SLC35B2: variants seen among roughly 807,000 people sequenced by gnomAD.
SLC35B2 encodes the protein solute carrier family 35 member B2.
SLC35B2 carries 19 observed loss-of-function variants against 37.9 expected under a neutral mutation model. That is an observed-to-expected ratio of 0.50 (90% CI 0.35 to 0.74). The LOEUF (loss-of-function observed/expected upper bound fraction) is 0.74, where lower values mean the gene tolerates loss of function less well. Ranked by LOEUF, SLC35B2 falls within the 30% of genes least tolerant of loss-of-function variation. SLC35B2 has a pLI of 0.01. For missense variants in SLC35B2, 633 were observed against 547.6 expected (o/e 1.16, Z -1.56); for synonymous variants, 277 against 225.2 (o/e 1.23, Z -2.06).
In SLC35B2 at chr6:44,255,219, G is replaced by C; in HGVS notation, c.786C>G (p.Arg262=). 1 of 1,614,246 alleles carries C rather than the reference G, an allele frequency of 6.2e-7. No individual in the cohort carries two copies. The highest frequency in any genetic ancestry group is 8.5e-7 in the Non-Finnish European group (1 of 1,180,044). The change falls in exon 4 of 4, where the codon CGC becomes CGG. Residue 262 remains arginine (R), a synonymous_variant. Transcript: ENST00000393812. ...MFLLSSGPEP[R]SSPATTLSGL... is the part of the protein sequence containing the mutation. ...CTGAGAGTGTGGTGGCTGGGGAGCT[G>C]CGGGGCTCTGGTCCGCTGGATAGCA...
chr6:44,255,569 C>T lies in SLC35B2; in HGVS notation c.436G>A (p.Gly146Ser). The T allele has an allele frequency of 6.2e-7, 1 of 1,614,156 alleles. No individual in the cohort carries two copies. The highest frequency in any genetic ancestry group is 8.5e-7 in the Non-Finnish European group (1 of 1,180,034). Residue 146 changes from glycine (G) to serine (S), a missense_variant, in exon 4 of 4, where the codon GGT becomes AGT. Gly to Ser is a moderately conservative substitution (Grantham distance 56). Transcript: ENST00000393812. ...RSYGATATSP[G>S]ERFTDSQFLV... ...AACTGCGAGTCCGTAAAGCGCTCAC[C>T]CGGTGATGTGGCTGTGGCCCCATAG...
At position 44,254,628 on chromosome 6, in the gene SLC35B2, C is replaced by A; in HGVS notation, c.*78G>T. 6.8e-7 allele frequency: 1 copy of A among 1,481,248 alleles called. No individual in the cohort carries two copies. The highest frequency in any genetic ancestry group is 9.1e-7 in the Non-Finnish European group (1 of 1,101,694). 91.8% of individuals were successfully genotyped at this position (1,481,248 alleles called of 1,614,324 possible). On this transcript the variant is annotated 3_prime_UTR_variant, in exon 4 of 4. Transcript: ENST00000393812. ...AACACCTGCATTTTGCCCTTTCAGC[C>A]AGCTCCCTCAGAGGTTACAGCAGAA...
rs1009922118 is a variant in SLC35B2, at chr6:44,254,948, G to A, written c.1057C>T (p.Leu353Phe). The A allele has an allele frequency of 1.2e-6, 2 of 1,614,208 alleles. No individual in the cohort carries two copies. The highest frequency in any genetic ancestry group is 1.1e-5 in the South Asian group (1 of 91,078). The change falls in exon 4 of 4, where the codon CTC becomes TTC. Residue 353 changes from leucine (L) to phenylalanine (F), a missense_variant. Leu to Phe is a conservative substitution (Grantham distance 22, BLOSUM62 0). Transcript: ENST00000393812. ...TGCCCAATGGTGTAAAAGATGAAGA[G>A]CTGGCCACATGCGGAGCAGATGGAG... Reference protein sequence around the residue: ...LLSICSACGQLFIFYTIGQFG... With the variant: ...LLSICSACGQFFIFYTIGQFG...
At position 44,254,297 on chromosome 6, in the gene SLC35B2, T is replaced by C. The variant is rs1347552912; in HGVS notation, c.*409A>G. On this transcript the variant is annotated 3_prime_UTR_variant, in exon 4 of 4. Transcript: ENST00000393812. ...CTTCACCCTCCTGGGAAAGCAGCAT[T>C]GGAGCCTACACCGCTTGTGCTTTTC... 10 of 208,298 alleles carry C rather than the reference T, an allele frequency of 4.8e-5. 1 individual carries two copies. In the South Asian group the frequency reaches 5.8e-4, roughly 12 times the overall value. The allele number at this position is 208,298 out of a possible 1,614,324, so 12.9% of individuals were successfully genotyped here. A position where few individuals can be genotyped will look rare whatever the true frequency, so the allele number is the denominator to read the frequency against.
chr6:44,256,047 A>G (rs1249805644), intron 3 of SLC35B2, among the ~76,000 whole-genome samples: 2 of 114,208 alleles, frequency 1.8e-5, no homozygotes, highest in African/African-American at 7.0e-5. Flanking sequence ...AAGGAAGTAT[A>G]ATAACGGCAC....
rs1781330299 is a variant in SLC35B2, at chr6:44,255,537, C to A, written c.468G>T (p.Val156=). 6.2e-7 allele frequency: 1 copy of A among 1,614,106 alleles called. No homozygotes were observed. The highest frequency in any genetic ancestry group is 1.3e-5 in the African/African-American group (1 of 74,926). ...TCAGTGCCAGCACTCGGTTCATTAG[C>A]ACCAGGAACTGCGAGTCCGTAAAGC... ...GERFTDSQFL[V]LMNRVLALIV... The change falls in exon 4 of 4, where the codon GTG becomes GTT. Residue 156 remains valine, a synonymous_variant. Transcript: ENST00000393812.
chr6:44,257,296 G>A, intron 1 of SLC35B2, 104 bp downstream of exon 1: 1 of 1,241,938 alleles, frequency 8.1e-7, no homozygotes, highest in Non-Finnish European at 1.0e-6. Flanking sequence ...TATGCTGGCC[G>A]ACGGCCGAGC....
In SLC35B2 at chr6:44,255,117, C is replaced by T. The variant is rs1404175699; in HGVS notation, c.888G>A (p.Lys296=). ...SNWQDALFAY[K]MSSVQMMFGV... ...CAAACATCATCTGCACCGATGACAT[C>T]TTATAGGCAAACAGGGCATCCTGCC... is the stretch of plus-strand genomic sequence containing the variant. The change falls in exon 4 of 4, where the codon AAG becomes AAA. Residue 296 remains lysine, a synonymous_variant. Coordinates refer to ENST00000393812, the MANE Select transcript of SLC35B2 (RefSeq NM_178148.4). 6.2e-7 allele frequency: 1 copy of T among 1,614,178 alleles called. No homozygotes were observed. Among genetic ancestry groups the T allele is most frequent in the Non-Finnish European group, 8.5e-7 (1 of 1,180,010 alleles).
At position 44,255,640 on chromosome 6, in the gene SLC35B2, GAC is replaced by G; in HGVS notation, c.363_364del (p.Ser122LeufsTer25). ...CTGCAGCACACCCCAAGTCAGATAA[GAC>G]ACCTGTTGGGGAAGGTAGAGACAAA... On this transcript the variant is annotated frameshift_variant and splice_region_variant, in exon 4 of 4. Coordinates refer to ENST00000393812, the MANE Select transcript of SLC35B2 (RefSeq NM_178148.4). LOFTEE classifies it high-confidence loss of function. 6.2e-7 allele frequency: 1 copy of G among 1,610,096 alleles called. No individual in the cohort carries two copies. The highest frequency in any genetic ancestry group is 8.5e-7 in the Non-Finnish European group (1 of 1,177,618).
intron 3 of SLC35B2, 70 bp from the exon 4 acceptor site, chr6:44,255,714 T>C (rs546596273): frequency 2.4e-5 from 34 of 1,437,866 alleles, no homozygotes; most frequent in Non-Finnish European, 3.0e-5. Flanking sequence ...AATTGACCTC[T>C]CTCTCTTCAG....
chr6:44,254,879 C>T lies in SLC35B2; in HGVS notation c.1126G>A (p.Ala376Thr). The T allele has an allele frequency of 6.2e-7, 1 of 1,614,160 alleles. No individual in the cohort carries two copies. The highest frequency in any genetic ancestry group is 8.5e-7 in the Non-Finnish European group (1 of 1,180,026). ...AGGCAGGAAAGAAGGATGGCAAAGGCCTGGCGGAGGGTCATGATGATGGTG... is the reference window on the plus strand; with the variant it reads ...AGGCAGGAAAGAAGGATGGCAAAGGTCTGGCGGAGGGTCATGATGATGGTG... Reference protein sequence around the residue: ...VFTIIMTLRQAFAILLSCLLY... With the variant: ...VFTIIMTLRQTFAILLSCLLY... The change falls in exon 4 of 4, where the codon GCC becomes ACC. Residue 376 changes from alanine (A) to threonine (T), a missense_variant. Ala to Thr is a moderately conservative substitution (Grantham distance 58). Coordinates refer to ENST00000393812, the MANE Select transcript of SLC35B2 (RefSeq NM_178148.4).
Position 44,257,381 on chromosome 6 carries a change from C to T in SLC35B2, c.11+19G>A, listed in dbSNP as rs1232542131. 4 of 1,309,384 alleles carry T rather than the reference C, an allele frequency of 3.1e-6. No individual in the cohort carries two copies. Among genetic ancestry groups the T allele is most frequent in the Non-Finnish European group, 3.9e-6 (4 of 1,022,274 alleles). 81.1% of individuals were successfully genotyped at this position (1,309,384 alleles called of 1,614,324 possible). Reference sequence around the variant, plus strand: ...CCGGGGGCTCGGTCACGTGAGCTCGCTGCTGCCCTAGCCCCCACCTGGCGT... The same window carrying T: ...CCGGGGGCTCGGTCACGTGAGCTCGTTGCTGCCCTAGCCCCCACCTGGCGT... On this transcript the variant is annotated intron_variant, in intron 1 of 3. Coordinates refer to ENST00000393812, the MANE Select transcript of SLC35B2 (RefSeq NM_178148.4).
At chr6:44,256,258 TG>T in intron 3 of SLC35B2, 83 bp downstream of exon 3, 2 of 1,516,952 alleles carry the variant, frequency 1.3e-6, no homozygotes, top group African/African-American at 1.4e-5. Context: ...AGCAAAGCTC[TG>T]GGACTGGTAA....
chr6:44,256,959 G>A (rs1781584404), intron 1 of SLC35B2, 81 bp from the exon 2 acceptor site: 1 of 1,397,780 alleles, frequency 7.2e-7, no homozygotes, highest in Non-Finnish European at 9.6e-7. Flanking sequence ...CTGGAGTAGT[G>A]CCCGGAGTCT....
intron 3 of SLC35B2, 42 bp downstream of exon 3, chr6:44,256,300 C>T: frequency 6.4e-7 from 1 of 1,573,890 alleles, no homozygotes; most frequent in South Asian, 1.1e-5. Context: ...CCCTGCCCAC[C>T]GGCATCCAAC....
intron 1 of SLC35B2, 47 bp from the exon 2 acceptor site, chr6:44,256,925 C>T: frequency 6.4e-7 from 1 of 1,552,848 alleles, no homozygotes; most frequent in Non-Finnish European, 8.7e-7. Flanking sequence ...TCCTCATCCC[C>T]TCCGCCCTCC....
rs1214576220 is a variant in SLC35B2 at position 44,256,410 on chromosome 6, T to G, written c.292A>C (p.Thr98Pro). The G allele has an allele frequency of 6.2e-7, 1 of 1,614,210 alleles. No individual in the cohort carries two copies. The highest frequency in any genetic ancestry group is 1.7e-5 in the Admixed American group (1 of 60,018). The change falls in exon 3 of 4, where the codon ACA (threonine) becomes CCA (proline). Residue 98 changes from threonine to proline, a missense_variant. Thr to Pro is a conservative substitution (Grantham distance 38). Transcript: ENST00000393812. ...ATCGGGGTGGTCTCTGCCGCCTCTG[T>G]TCGGGGCGCCAGGGGAACCTCATCA... Reference protein sequence around the residue: ...ASDEVPLAPRTEAAETTPMWQ... With the variant: ...ASDEVPLAPRPEAAETTPMWQ...
Position 44,254,751 on chromosome 6 carries a change from C to T in SLC35B2, c.1254G>A (p.Arg418=). Residue 418 remains arginine (R), a synonymous_variant, in exon 4 of 4, where the codon CGG becomes CGA. Transcript: ENST00000393812. Reference sequence around the variant, plus strand: ...ACTCAACAGGCACAGCCTTCTTTCCCCGTTGCTTTAGACGGCCCCGCGCGT... The same window carrying T: ...ACTCAACAGGCACAGCCTTCTTTCCTCGTTGCTTTAGACGGCCCCGCGCGT... ...RVYARGRLKQ[R]GKKAVPVESP... 1 of 1,614,002 alleles carries T rather than the reference C, an allele frequency of 6.2e-7. No individual in the cohort carries two copies. Among genetic ancestry groups the T allele is most frequent in the Non-Finnish European group, 8.5e-7 (1 of 1,179,886 alleles).
rs577438871 is a variant in SLC35B2, at chr6:44,255,563, G to T, written c.442C>A (p.Arg148Ser). ...ACCAGGAACTGCGAGTCCGTAAAGC[G>T]CTCACCCGGTGATGTGGCTGTGGCC... ...YGATATSPGERFTDSQFLVLM... is the reference protein window; with the variant it reads ...YGATATSPGESFTDSQFLVLM... The change falls in exon 4 of 4, where the codon CGC (arginine) becomes AGC (serine). Residue 148 changes from arginine to serine, a missense_variant. Arg to Ser is a moderately radical substitution (Grantham distance 110, BLOSUM62 -1). Transcript: ENST00000393812. 4 of 1,614,158 alleles carry T rather than the reference G, an allele frequency of 2.5e-6. No homozygotes were observed. Among genetic ancestry groups the T allele is most frequent in the Non-Finnish European group, 3.4e-6 (4 of 1,180,036 alleles).
Sources: gnomAD v4.1 joint callset for allele counts (sites outside exome capture counted in the v4.1 genomes callset) on GRCh38, gnomAD v4.1.1 for gene constraint, MANE v1.5 for transcripts, NCBI Gene and HGNC (gene_info 2026-07-23, HGNC 2026-07-21) for gene names.